NEK7: variants seen among roughly 807,000 people sequenced by gnomAD.
NEK7 encodes the protein serine/threonine-protein kinase Nek7.
A neutral mutation model predicts 44.6 loss-of-function variants in NEK7; 18 were observed. The ratio of observed to expected loss-of-function variants is 0.40; its 90% confidence interval spans 0.28 to 0.60. The LOEUF (loss-of-function observed/expected upper bound fraction) is 0.60, where lower values mean the gene tolerates loss of function less well. Among genes scored for constraint, NEK7 ranks in the 20% least tolerant of loss-of-function variants. NEK7 has a pLI of 0.38. For synonymous variants in NEK7, 130 were observed against 121.1 expected (o/e 1.07, Z -0.48); for missense variants, 256 against 366.5 (o/e 0.70, Z 2.46).
intron 2 of NEK7, among the ~76,000 whole-genome samples, chr1:198,239,455 G>T (rs1445513699): frequency 6.6e-6 from 1 of 152,002 alleles, no homozygotes; most frequent in Non-Finnish European, 1.5e-5. Context: ...TGAACATACA[G>T]AATCATTACA....
At chr1:198,254,224 G>T (rs1927251) in intron 3 of NEK7, among the ~76,000 whole-genome samples, 1 of 152,008 alleles carries the variant, frequency 6.6e-6, no homozygotes, top group Non-Finnish European at 1.5e-5. Context: ...AGAGATACCC[G>T]CATATCCACA....
At chr1:198,236,833 A>G (rs1467476041) in intron 2 of NEK7, among the ~76,000 whole-genome samples, 1 of 152,118 alleles carries the variant, frequency 6.6e-6, no homozygotes, top group Non-Finnish European at 1.5e-5. Context: ...AAAACCCCTT[A>G]AACAGTCTAA....
chr1:198,170,583 A>G lies in NEK7; in HGVS notation c.-29+13307A>G, dbSNP rs555789293. Among the ~76,000 whole-genome samples the G allele has an allele frequency of 3.3e-5, 5 of 152,280 alleles. No homozygotes were observed. In the East Asian group the frequency reaches 5.8e-4, roughly 18 times the overall value. On this transcript the variant is annotated intron_variant, in intron 1 of 9. Transcript: ENST00000367385. Reference sequence around the variant, plus strand: ...TAAAGGTATGACTATCTATTTGCCAATTAATTCCATGTTCCAAGGATCCCC... The same window carrying G: ...TAAAGGTATGACTATCTATTTGCCAGTTAATTCCATGTTCCAAGGATCCCC...
At chr1:198,207,172 T>C (rs1379729189) in intron 1 of NEK7, 1 of 152,098 alleles carries the variant, frequency 6.6e-6, no homozygotes, top group Non-Finnish European at 1.5e-5. Context: ...CTTATTAGAG[T>C]AGTAAGCAAT....
chr1:198,180,959 G>C (rs981683274), intron 1 of NEK7, among the ~76,000 whole-genome samples: 1 of 151,994 alleles, frequency 6.6e-6, no homozygotes, highest in Admixed American at 6.6e-5. Flanking sequence ...TCTAGTGTAA[G>C]AGAGATATCT....
chr1:198,234,718 C>G (rs1454858642), intron 2 of NEK7, among the ~76,000 whole-genome samples: 1 of 152,150 alleles, frequency 6.6e-6, no homozygotes, highest in Non-Finnish European at 1.5e-5. Context: ...TTACACTGTT[C>G]CTTTCGTTTA....
intron 5 of NEK7, among the ~76,000 whole-genome samples, chr1:198,270,333 A>G (rs1250293021): frequency 6.6e-6 from 1 of 152,040 alleles, no homozygotes; most frequent in Non-Finnish European, 1.5e-5. Flanking sequence ...AATATTATAT[A>G]TTTTTAAAAA....
chr1:198,275,362 T>G (rs1246840251), intron 5 of NEK7, among the ~76,000 whole-genome samples: 2 of 151,396 alleles, frequency 1.3e-5, no homozygotes, highest in African/African-American at 4.8e-5. Context: ...CCCTGTCACA[T>G]ATTCTTTCAT....
At chr1:198,272,610 T>C (rs1162944206) in intron 5 of NEK7, among the ~76,000 whole-genome samples, 1 of 151,866 alleles carries the variant, frequency 6.6e-6, no homozygotes, top group African/African-American at 2.4e-5. Context: ...GAAGACTGAC[T>C]GACTGTTCTT....
At chr1:198,262,552 G>C in intron 3 of NEK7, 23 bp from the exon 4 acceptor site, 1 of 1,481,534 alleles carries the variant, frequency 6.7e-7, no homozygotes, top group Non-Finnish European at 9.4e-7. Context: ...ATTTTATTAA[G>C]TAATTCTGGG....
At chr1:198,235,070 C>A (rs1268043275) in intron 2 of NEK7, among the ~76,000 whole-genome samples, 1 of 152,128 alleles carries the variant, frequency 6.6e-6, no homozygotes, top group Non-Finnish European at 1.5e-5. Context: ...ATGGCAACAT[C>A]TGGTTAGCCC....
chr1:198,278,104 T>G, intron 6 of NEK7, 35 bp downstream of exon 6: 1 of 1,119,264 alleles, frequency 8.9e-7, no homozygotes, highest in Non-Finnish European at 1.4e-6. Context: ...TTAATCTTGT[T>G]TTAAATGATG....
chr1:198,244,701 T>C (rs1378369502), intron 2 of NEK7, among the ~76,000 whole-genome samples: 1 of 152,186 alleles, frequency 6.6e-6, no homozygotes, highest in Non-Finnish European at 1.5e-5. Context: ...AGCTGGTAGA[T>C]AATTATAGTC....
intron 3 of NEK7, among the ~76,000 whole-genome samples, chr1:198,258,453 A>G (rs536205402): frequency 6.6e-5 from 10 of 152,194 alleles, no homozygotes; most frequent in Non-Finnish European, 1.5e-4. Context: ...AAAAACAACA[A>G]CAACAAAAAC....
intron 7 of NEK7, among the ~76,000 whole-genome samples, chr1:198,279,865 G>A (rs1296939569): frequency 6.6e-6 from 1 of 151,888 alleles, no homozygotes; most frequent in Non-Finnish European, 1.5e-5. Flanking sequence ...GTGTGGCCTT[G>A]AACCTGTCAT....
At chr1:198,245,636 G>A (rs889986976) in intron 2 of NEK7, among the ~76,000 whole-genome samples, 4 of 152,206 alleles carry the variant, frequency 2.6e-5, no homozygotes, top group African/African-American at 2.4e-5. Flanking sequence ...GGGCCATAGC[G>A]AGGTGCAAAA....
chr1:198,165,590 A>G (rs1469385304), intron 1 of NEK7, among the ~76,000 whole-genome samples: 1 of 152,182 alleles, frequency 6.6e-6, no homozygotes, highest in East Asian at 1.9e-4. Context: ...TAAAATACTC[A>G]AAAAACCATG....
rs748241254 is a variant in NEK7 at position 198,253,063 on chromosome 1, C to CTA, written c.84_85dup (p.Asn29IlefsTer4). The CTA allele has an allele frequency of 6.2e-7, 1 of 1,611,872 alleles. No homozygotes were observed. The highest frequency in any genetic ancestry group is 8.5e-7 in the Non-Finnish European group (1 of 1,178,642). On this transcript the variant is annotated frameshift_variant, in exon 3 of 10. Transcript: ENST00000367385. LOFTEE classifies it high-confidence loss of function. ...AGAAGGCCTTACGACCGGATATGGG[C>CTA]TATAATACATTAGCCAACTTTCGAA...
At chr1:198,212,461 C>G (rs1453573169) in intron 1 of NEK7, among the ~76,000 whole-genome samples, 2 of 152,188 alleles carry the variant, frequency 1.3e-5, no homozygotes, top group Non-Finnish European at 2.9e-5. Flanking sequence ...CCTGCTAATC[C>G]CCACTCCCAA....
Sources: gnomAD v4.1 joint callset for allele counts (sites outside exome capture counted in the v4.1 genomes callset) on GRCh38, gnomAD v4.1.1 for gene constraint, MANE v1.5 for transcripts, NCBI Gene and HGNC (gene_info 2026-07-23, HGNC 2026-07-21) for gene names.